SCAMP5: variants seen among roughly 807,000 people sequenced by gnomAD.
The protein encoded by SCAMP5 is secretory carrier-associated membrane protein 5.
A neutral mutation model predicts 28.3 loss-of-function variants in SCAMP5; 7 were observed. The observed-to-expected ratio is 0.25, with a 90% CI of 0.14 to 0.46. SCAMP5 has a LOEUF of 0.46. Among genes scored for constraint, SCAMP5 ranks in the 20% least tolerant of loss-of-function variants. SCAMP5 has a pLI of 0.99. For missense variants in SCAMP5, 192 were observed against 312.5 expected (o/e 0.61, Z 2.91); for synonymous variants, 117 against 116.4 (o/e 1.00, Z -0.03).
At chr15:75,008,367 TA>T (rs1485488210) in intron 1 of SCAMP5, among the ~76,000 whole-genome samples, 4 of 152,128 alleles carry the variant, frequency 2.6e-5, no homozygotes, top group African/African-American at 9.7e-5. Context: ...AGCAAATTCA[TA>T]TGTGCATTCT....
chr15:74,995,801 C>G (rs1281491038), intron 1 of SCAMP5, 128 bp downstream of exon 1: 1 of 152,586 alleles, frequency 6.6e-6, no homozygotes, highest in Admixed American at 6.5e-5. Context: ...GGAAGAAGGC[C>G]GAACTGCTGG....
intron 1 of SCAMP5, among the ~76,000 whole-genome samples, chr15:75,009,447 G>A (rs1252546814): frequency 1.4e-5 from 2 of 147,428 alleles, no homozygotes; most frequent in Admixed American, 7.5e-5. Flanking sequence ...AAGTTTGTGT[G>A]TGTGTGTGTG....
chr15:75,004,254 C>G (rs900949134), intron 1 of SCAMP5, among the ~76,000 whole-genome samples: 1 of 152,066 alleles, frequency 6.6e-6, no homozygotes, highest in African/African-American at 2.4e-5. Context: ...ACTGAAGGCT[C>G]GAACACCTGG....
At chr15:75,017,832 C>G in intron 4 of SCAMP5, 38 bp from the exon 5 acceptor site, 1 of 1,388,236 alleles carries the variant, frequency 7.2e-7, no homozygotes, top group South Asian at 1.2e-5. Flanking sequence ...AGCCCTGGCC[C>G]TCTGCCCAGG....
chr15:75,015,453 G>GGC (rs1567030383), intron 3 of SCAMP5, among the ~76,000 whole-genome samples: 2 of 146,648 alleles, frequency 1.4e-5, no homozygotes, highest in African/African-American at 5.0e-5. Context: ...TGGGGACAGA[G>GGC]GGGGGGGGGC....
chr15:75,005,974 G>A (rs997324585), intron 1 of SCAMP5, among the ~76,000 whole-genome samples: 4 of 137,546 alleles, frequency 2.9e-5, no homozygotes, highest in East Asian at 2.3e-4. Context: ...GATCCGCCTC[G>A]GCCTCCCTTT....
intron 1 of SCAMP5, among the ~76,000 whole-genome samples, chr15:75,005,849 C>T (rs747406709): frequency 2.0e-5 from 3 of 148,792 alleles, no homozygotes; most frequent in Non-Finnish European, 3.0e-5. Flanking sequence ...CTCAGCCTCC[C>T]GAGTAGTTGG....
Position 75,019,629 on chromosome 15 carries a change from A to G in SCAMP5, c.*646A>G, listed in dbSNP as rs77976994. The G allele has an allele frequency of 0.066, 10,121 of 152,856 alleles. 444 individuals carry two copies. The highest frequency in any genetic ancestry group is 0.17 in the Middle Eastern group (50 of 294). 9.5% of individuals were successfully genotyped at this position (152,856 alleles called of 1,614,324 possible). On this transcript the variant is annotated 3_prime_UTR_variant, in exon 7 of 7. Transcript: ENST00000425597. ...ATCTTCCCTTGCCCATGGTCTGTCT[A>G]TCTCTTTCCTATGTGGCTTTTCTTT...
intron 1 of SCAMP5, among the ~76,000 whole-genome samples, chr15:75,006,855 T>A (rs531180602): frequency 1.3e-4 from 19 of 151,224 alleles, no homozygotes; most frequent in African/African-American, 4.6e-4. Context: ...AGCAAAAGAA[T>A]CACTTGAACC....
rs543409156 is a variant in SCAMP5 at position 75,007,181 on chromosome 15, A to G, written c.-48-4611A>G. The stretch of plus-strand genomic sequence containing the variant: ...TTTAAAATTCTGTGTTCATACTGAT[A>G]CCTCCGCTTTGAATCCAACACCACA... On this transcript the variant is annotated intron_variant, in intron 1 of 6. Transcript: ENST00000425597. Among the ~76,000 whole-genome samples, 246 of 152,158 alleles carry G rather than the reference A, an allele frequency of 1.6e-3. 1 individual carries two copies. The highest frequency in any genetic ancestry group is 5.7e-3 in the African/African-American group (237 of 41,496).
chr15:75,009,053 T>A (rs1435789516), intron 1 of SCAMP5, among the ~76,000 whole-genome samples: 2 of 152,316 alleles, frequency 1.3e-5, no homozygotes, highest in Admixed American at 1.3e-4. Context: ...CTGTTGTACA[T>A]CTTGCTTTTT....
intron 1 of SCAMP5, among the ~76,000 whole-genome samples, chr15:75,008,616 C>T (rs1378545651): frequency 1.3e-5 from 2 of 152,062 alleles, no homozygotes. Flanking sequence ...TCTCCCACCT[C>T]AGCCTCCTGA....
At chr15:75,005,873 T>G (rs1348935733) in intron 1 of SCAMP5, among the ~76,000 whole-genome samples, 2 of 148,020 alleles carry the variant, frequency 1.4e-5, no homozygotes, top group Non-Finnish European at 3.0e-5. Context: ...TACAAGCACG[T>G]GCTACCATGC....
chr15:74,998,837 G>A (rs1357858195), intron 1 of SCAMP5, among the ~76,000 whole-genome samples: 2 of 152,134 alleles, frequency 1.3e-5, no homozygotes, highest in African/African-American at 2.4e-5. Context: ...TTTCTGCTCT[G>A]AATTATTCAT....
rs779462597 is a variant in SCAMP5, at chr15:75,018,434, A to G, written c.412A>G (p.Ile138Val). Reference protein sequence around the residue: ...GWGVCGWIATISFFGTNIGSA... With the variant: ...GWGVCGWIATVSFFGTNIGSA... ...TTCCTGCAGCGGCTGGATTGCTACC[A>G]TCTCCTTCTTCGGAACGAACATTGG... The change falls in exon 6 of 7, where the codon ATC (isoleucine) becomes GTC (valine). Residue 138 changes from isoleucine to valine, a missense_variant. Coordinates refer to ENST00000425597, the MANE Select transcript of SCAMP5 (RefSeq NM_138967.4). This position sits in a 1 kb window ranked among gnomAD's most constrained non-coding sequence, Gnocchi z 5.6. 1.2e-6 allele frequency: 2 copies of G among 1,613,262 alleles called. No individual in the cohort carries two copies. The highest frequency in any genetic ancestry group is 2.2e-5 in the East Asian group (1 of 44,880).
At chr15:75,002,267 G>A (rs2065716700) in intron 1 of SCAMP5, among the ~76,000 whole-genome samples, 1 of 151,806 alleles carries the variant, frequency 6.6e-6, no homozygotes, top group Non-Finnish European at 1.5e-5. Flanking sequence ...ATCAAGGCTT[G>A]TCCACCTCCT....
Position 75,019,032 on chromosome 15 carries a change from G to C in SCAMP5, c.*49G>C. Reference sequence around the variant, plus strand: ...AGAGCTGGGGCCATTGGGACAGGGGGCTCAAGCCACATCGTCATTTGTGGT... The same window carrying C: ...AGAGCTGGGGCCATTGGGACAGGGGCCTCAAGCCACATCGTCATTTGTGGT... On this transcript the variant is annotated 3_prime_UTR_variant, in exon 7 of 7. Coordinates refer to ENST00000425597, the MANE Select transcript of SCAMP5 (RefSeq NM_138967.4). 7.6e-7 allele frequency: 1 copy of C among 1,313,212 alleles called. No individual in the cohort carries two copies. Among genetic ancestry groups the C allele is most frequent in the Admixed American group, 2.7e-5 (1 of 36,706 alleles). The allele number at this position is 1,313,212 out of a possible 1,614,324, so 81.3% of individuals were successfully genotyped here.
intron 1 of SCAMP5, among the ~76,000 whole-genome samples, chr15:75,004,452 C>G (rs758363574): frequency 6.6e-6 from 1 of 152,052 alleles, no homozygotes; most frequent in Non-Finnish European, 1.5e-5. Context: ...TTCTACAGGC[C>G]GGCATGGTGG....
Position 74,998,797 on chromosome 15 carries a change from C to CA in SCAMP5, c.-49+3127dup, listed in dbSNP as rs60571514. Among the ~76,000 whole-genome samples the CA allele has an allele frequency of 2.8e-3, 421 of 152,126 alleles. 2 individuals carry two copies. The highest frequency in any genetic ancestry group is 9.7e-3 in the African/African-American group (401 of 41,502). On this transcript the variant is annotated intron_variant, in intron 1 of 6. Transcript: ENST00000425597. ...TTCTCTCTGCCCTAACCTTTATATACAAACAAGGCAGCTTTGCCCTCTGCT... is the reference window on the plus strand; with the variant it reads ...TTCTCTCTGCCCTAACCTTTATATACAAAACAAGGCAGCTTTGCCCTCTGCT...
Sources: allele counts gnomAD v4.1 joint callset (sites outside exome capture counted in the v4.1 genomes callset), GRCh38; gene constraint gnomAD v4.1.1; non-coding constraint Gnocchi (gnomAD v3.1); transcripts MANE v1.5; gene names NCBI Gene and HGNC (gene_info 2026-07-23, HGNC 2026-07-21).